The following DIP2B variants were observed in gnomAD, a reference collection of about 807,000 sequenced individuals.
DIP2B encodes the protein disco-interacting protein 2 homolog B.
Under a neutral mutation model 198.0 loss-of-function variants are expected in DIP2B, and 76 were observed. The ratio of observed to expected loss-of-function variants is 0.38; its 90% CI spans 0.32 to 0.46. DIP2B has a LOEUF of 0.46. Ranked by LOEUF, DIP2B falls within the 20% of genes least tolerant of loss-of-function variation. DIP2B has a pLI of 0.99. For missense variants in DIP2B, 1,559 were observed against 1,978.4 expected, an observed-to-expected ratio of 0.79 and a Z score of 4.02; for synonymous variants, 701 against 739.1, an observed-to-expected ratio of 0.95 and a Z score of 0.84.
In DIP2B at chr12:50,611,702, C is replaced by T. The variant is rs895715356; in HGVS notation, c.101-14274C>T. Among the ~76,000 whole-genome samples, 5 of 152,220 alleles carry T rather than the reference C, an allele frequency of 3.3e-5. 1 individual carries two copies. The East Asian group carries it at 9.6e-4, about 29-fold the overall frequency. Reference sequence around the variant, plus strand: ...CTAGATCCCTTCAGTCGCTCTTTCACCCCTGAACTTCCACCACCACCATGT... The same window carrying T: ...CTAGATCCCTTCAGTCGCTCTTTCATCCCTGAACTTCCACCACCACCATGT... On this transcript the variant is annotated intron_variant, in intron 1 of 37. Transcript: ENST00000301180.
At chr12:50,643,172 A>C (rs1938289035) in intron 3 of DIP2B, among the ~76,000 whole-genome samples, 1 of 152,166 alleles carries the variant, frequency 6.6e-6, no homozygotes, top group Non-Finnish European at 1.5e-5. Context: ...CAAATGTAAA[A>C]AAGTTTTTTG....
chr12:50,688,715 A>C (rs1042358234), intron 12 of DIP2B, among the ~76,000 whole-genome samples: 4 of 152,188 alleles, frequency 2.6e-5, no homozygotes, highest in African/African-American at 9.7e-5. Context: ...CTCTCAATCT[A>C]TGTCATGTCT....
At chr12:50,733,339 A>G (rs1278578126) in intron 32 of DIP2B, among the ~76,000 whole-genome samples, 1 of 151,546 alleles carries the variant, frequency 6.6e-6, no homozygotes, top group African/African-American at 2.4e-5. Flanking sequence ...CTTGATGGGT[A>G]AATAACAGAA....
At chr12:50,629,323 T>C (rs1937997605) in intron 2 of DIP2B, among the ~76,000 whole-genome samples, 1 of 152,182 alleles carries the variant, frequency 6.6e-6, no homozygotes, top group Non-Finnish European at 1.5e-5. Flanking sequence ...GGTTCTCAAA[T>C]TGTAGCAAGC....
chr12:50,610,945 C>G (rs2139453273), intron 1 of DIP2B, among the ~76,000 whole-genome samples: 1 of 152,006 alleles, frequency 6.6e-6, no homozygotes, highest in East Asian at 1.9e-4. Context: ...ATTACAGGAG[C>G]CTGCCACCAC....
chr12:50,679,696 C>T (rs1185818757), intron 8 of DIP2B: 1 of 152,192 alleles, frequency 6.6e-6, no homozygotes, highest in African/African-American at 2.4e-5. Flanking sequence ...ACCTCAGAAG[C>T]TGTATATACA....
intron 2 of DIP2B, among the ~76,000 whole-genome samples, chr12:50,627,945 C>T (rs1164192903): frequency 3.3e-5 from 5 of 152,216 alleles, no homozygotes; most frequent in African/African-American, 1.2e-4. Flanking sequence ...AGTCCTTCTA[C>T]CTATGCTTTA....
intron 19 of DIP2B, among the ~76,000 whole-genome samples, chr12:50,701,931 T>A (rs1939424599): frequency 6.6e-6 from 1 of 152,080 alleles, no homozygotes; most frequent in Non-Finnish European, 1.5e-5. Flanking sequence ...TTTAGTGTTG[T>A]TATAATTATT....
intron 1 of DIP2B, among the ~76,000 whole-genome samples, chr12:50,551,511 T>C (rs1203214359): frequency 6.6e-6 from 1 of 152,208 alleles, no homozygotes; most frequent in Non-Finnish European, 1.5e-5. Context: ...TAGCATGATC[T>C]CGGTGCACTG....
chr12:50,592,248 C>CA (rs1448572938), intron 1 of DIP2B, among the ~76,000 whole-genome samples: 15 of 152,140 alleles, frequency 9.9e-5, no homozygotes, highest in Admixed American at 9.8e-4. Flanking sequence ...CATCGTAGCT[C>CA]ACTGCAGCCT....
chr12:50,610,097 CT>C (rs1391180357), intron 1 of DIP2B, among the ~76,000 whole-genome samples: 2 of 152,176 alleles, frequency 1.3e-5, no homozygotes, highest in Admixed American at 1.3e-4. Flanking sequence ...TTATTTCTAG[CT>C]TTTATTCTAG....
chr12:50,622,833 A>T (rs945907203), intron 1 of DIP2B, among the ~76,000 whole-genome samples: 4 of 152,048 alleles, frequency 2.6e-5, no homozygotes, highest in African/African-American at 9.7e-5. Flanking sequence ...GCTGGTCTCG[A>T]ACTCCTGACC....
At chr12:50,644,603 G>C (rs2139491730) in intron 3 of DIP2B, among the ~76,000 whole-genome samples, 1 of 152,268 alleles carries the variant, frequency 6.6e-6, no homozygotes, top group South Asian at 2.1e-4. Flanking sequence ...TAAGAGAGCT[G>C]CCTGTTCTTA....
At chr12:50,618,893 G>A (rs1411231717) in intron 1 of DIP2B, among the ~76,000 whole-genome samples, 1 of 152,132 alleles carries the variant, frequency 6.6e-6, no homozygotes, top group African/African-American at 2.4e-5. Context: ...AATCTTGAGT[G>A]TAGCACTTGT....
chr12:50,511,997 A>G (rs916664453), intron 1 of DIP2B, among the ~76,000 whole-genome samples: 1 of 149,754 alleles, frequency 6.7e-6, no homozygotes, highest in Non-Finnish European at 1.5e-5. Flanking sequence ...TACTATGTTC[A>G]GCCCAGGCTG....
chr12:50,591,793 T>G (rs1420455204), intron 1 of DIP2B, among the ~76,000 whole-genome samples: 1 of 151,790 alleles, frequency 6.6e-6, no homozygotes, highest in Non-Finnish European at 1.5e-5. Flanking sequence ...ATTGTATAAA[T>G]GAGAGTTTTT....
chr12:50,644,823 T>C (rs934267603), intron 3 of DIP2B, among the ~76,000 whole-genome samples: 3 of 152,218 alleles, frequency 2.0e-5, no homozygotes, highest in African/African-American at 7.2e-5. Context: ...TGTGTGTAAT[T>C]CCCTAGCTTT....
At chr12:50,509,031 C>T (rs570904395) in intron 1 of DIP2B, among the ~76,000 whole-genome samples, 1 of 152,176 alleles carries the variant, frequency 6.6e-6, no homozygotes, top group Non-Finnish European at 1.5e-5. Flanking sequence ...TGTTGATTCT[C>T]TCTCTGAAAT....
At chr12:50,704,283 A>G in intron 20 of DIP2B, 63 bp downstream of exon 20, 1 of 1,521,252 alleles carries the variant, frequency 6.6e-7, no homozygotes, top group South Asian at 1.2e-5. Context: ...TTTAATTCAC[A>G]GAACAGAACA....
Sources: allele counts gnomAD v4.1 joint callset (sites outside exome capture counted in the v4.1 genomes callset), GRCh38; gene constraint gnomAD v4.1.1; transcripts MANE v1.5; gene names NCBI Gene and HGNC (gene_info 2026-07-23, HGNC 2026-07-21).